ABCA1: variants seen among roughly 807,000 people sequenced by gnomAD.
The protein encoded by ABCA1 is ATP binding cassette subfamily A member 1.
Under a neutral mutation model 262.5 loss-of-function variants are expected in ABCA1, and 133 were observed. The ratio of observed to expected loss-of-function variants is 0.51; its 90% confidence interval spans 0.44 to 0.59. The LOEUF is 0.59. ABCA1 is among the 20% of genes least tolerant of loss of function. The pLI is 0.00. For missense variants in ABCA1, 2,452 were observed against 2,777.5 expected (o/e 0.88, Z 2.63); for synonymous variants, 1,022 against 1,043.5 (o/e 0.98, Z 0.40).
intron 5 of ABCA1, among the ~76,000 whole-genome samples, chr9:104,871,346 C>G (rs546433363): frequency 5.3e-5 from 8 of 152,240 alleles, no homozygotes; most frequent in Non-Finnish European, 8.8e-5. Flanking sequence ...GCAGCAGAAA[C>G]AGAATAAGAC....
At chr9:104,791,109 C>T in intron 43 of ABCA1, 81 bp from the exon 44 acceptor site, 1 of 910,040 alleles carries the variant, frequency 1.1e-6, no homozygotes. Flanking sequence ...TACCTCAAAC[C>T]TTCAATTCTT....
chr9:104,888,653 GGTT>G (rs1431279746), intron 3 of ABCA1, among the ~76,000 whole-genome samples: 4 of 152,054 alleles, frequency 2.6e-5, no homozygotes, highest in African/African-American at 9.7e-5. Flanking sequence ...TTCTATTCAA[GGTT>G]GTTATGAGAA....
chr9:104,801,065 C>G (rs1205636612), intron 34 of ABCA1, among the ~76,000 whole-genome samples: 1 of 143,208 alleles, frequency 7.0e-6, no homozygotes, highest in Non-Finnish European at 1.5e-5. Context: ...ACCTGAGACA[C>G]AGAGAAATGA....
chr9:104,874,428 G>T (rs909100234), intron 5 of ABCA1, among the ~76,000 whole-genome samples: 5 of 152,144 alleles, frequency 3.3e-5, no homozygotes, highest in African/African-American at 1.2e-4. Flanking sequence ...AGCCAGGCCT[G>T]GTGGTAAGTG....
At chr9:104,900,638 C>T (rs1355089932) in intron 2 of ABCA1, among the ~76,000 whole-genome samples, 1 of 152,164 alleles carries the variant, frequency 6.6e-6, no homozygotes, top group Non-Finnish European at 1.5e-5. Flanking sequence ...TTAGTATACA[C>T]AGAGAGCAAA....
chr9:104,902,410 T>C (rs139820217), intron 2 of ABCA1, among the ~76,000 whole-genome samples: 8 of 152,300 alleles, frequency 5.3e-5, no homozygotes, highest in East Asian at 1.9e-4. Flanking sequence ...CACATGATAA[T>C]ATAGACTGGC....
chr9:104,826,676 T>G (rs536740125), intron 16 of ABCA1, among the ~76,000 whole-genome samples: 1 of 152,310 alleles, frequency 6.6e-6, no homozygotes, highest in Non-Finnish European at 1.5e-5. Context: ...TCAATGCCAT[T>G]TATCCCCAGC....
intron 2 of ABCA1, among the ~76,000 whole-genome samples, chr9:104,891,966 T>TAAAA (rs570923490): frequency 3.4e-5 from 2 of 59,228 alleles, no homozygotes; most frequent in Admixed American, 2.4e-4. Flanking sequence ...CTCTGTCTCT[T>TAAAA]AAAAAAAAAA....
chr9:104,786,466 C>G (rs1252393380), intron 47 of ABCA1, 76 bp from the exon 48 acceptor site: 13 of 1,267,622 alleles, frequency 1.0e-5, no homozygotes, highest in Admixed American at 1.7e-5. Flanking sequence ...TGACTTCCAG[C>G]ATTCCAGCTT....
chr9:104,882,358 G>A (rs1473788477), intron 5 of ABCA1, among the ~76,000 whole-genome samples: 2 of 152,178 alleles, frequency 1.3e-5, no homozygotes, highest in African/African-American at 4.8e-5. Flanking sequence ...GCCATTACTG[G>A]CTGCACTCAG....
At chr9:104,793,401 C>A (rs1829602517) in intron 40 of ABCA1, 101 bp from the exon 41 acceptor site, 1 of 1,473,420 alleles carries the variant, frequency 6.8e-7, no homozygotes, top group Non-Finnish European at 9.4e-7. Context: ...ACCGATCTTC[C>A]AATAAACACA....
At chr9:104,862,674 CG>C (rs1554729545) in intron 5 of ABCA1, among the ~76,000 whole-genome samples, 206 of 9,154 alleles carry the variant, frequency 0.023, 26 homozygotes, top group Non-Finnish European at 0.034. Context: ...CGGGCCGGGC[CG>C]GGCCGGGCCG....
At chr9:104,832,831 C>G (rs998297569) in intron 11 of ABCA1, 60 bp from the exon 12 acceptor site, 42 of 1,489,102 alleles carry the variant, frequency 2.8e-5, no homozygotes, top group Non-Finnish European at 3.7e-5. Context: ...AGGAGCACTA[C>G]AAAATTTACA....
rs1564254351 is a variant in ABCA1 at position 104,889,102 on chromosome 9, A to C, written c.160T>G (p.Cys54Gly). 1.2e-6 allele frequency: 2 copies of C among 1,613,510 alleles called. No individual in the cohort carries two copies. Among genetic ancestry groups the C allele is most frequent in the Non-Finnish European group, 1.7e-6 (2 of 1,179,440 alleles). Residue 54 changes from cysteine to glycine, a missense_variant and splice_region_variant, in exon 3 of 50, where the codon TGC (cysteine) becomes GGC (glycine). By Grantham distance (159) the Cys-to-Gly change is radical (BLOSUM62 -3). This residue lies in a region of ABCA1 where 1,032 missense variants were observed against 1,089.7 expected (regional missense o/e 0.95). Transcript: ENST00000374736. ...LSYPPYEQHE[C>G]HFPNKAMPSA... ...TCAGGCAACATCCACAGTTACTTAC[A>C]TTCATGTTGTTCATAGGGTGGGTAG...
chr9:104,851,325 C>G (rs539228786), intron 7 of ABCA1, among the ~76,000 whole-genome samples: 2 of 152,192 alleles, frequency 1.3e-5, no homozygotes, highest in Non-Finnish European at 2.9e-5. Flanking sequence ...GGCCCTATAT[C>G]CTCACATGGC....
At chr9:104,855,870 A>G in intron 7 of ABCA1, 2 of 1,612,674 alleles carry the variant, frequency 1.2e-6, no homozygotes, top group Non-Finnish European at 1.7e-6. Flanking sequence ...AACTCACAAT[A>G]CCCTTGGCTG....
At chr9:104,901,565 G>C (rs1175379483) in intron 2 of ABCA1, among the ~76,000 whole-genome samples, 2 of 152,202 alleles carry the variant, frequency 1.3e-5, no homozygotes, top group African/African-American at 4.8e-5. Flanking sequence ...AAAGGAATAA[G>C]AGTAAGGACG....
intron 43 of ABCA1, 100 bp from the exon 44 acceptor site, chr9:104,791,128 G>C (rs1444208021): frequency 1.3e-6 from 1 of 792,964 alleles, no homozygotes; most frequent in East Asian, 2.5e-5. Context: ...TTAAATATCA[G>C]AGAAGAATCA....
rs56710442 is a variant in ABCA1, at chr9:104,896,711, C to CTTTTTT, written c.66+6897_66+6902dup. Reference sequence around the variant, plus strand: ...AACTCCAAAATTGCTCCCTACACATCTTTTTTTTTTTTTTTTTTTTTTTTT... The same window carrying CTTTTTT: ...AACTCCAAAATTGCTCCCTACACATCTTTTTTTTTTTTTTTTTTTTTTTTTTTTTTT... On this transcript the variant is annotated intron_variant, in intron 2 of 49. Coordinates refer to ENST00000374736, the MANE Select transcript of ABCA1 (RefSeq NM_005502.4). Among the ~76,000 whole-genome samples the CTTTTTT allele has an allele frequency of 1.2e-3, 44 of 37,010 alleles. 9 individuals are homozygous for CTTTTTT. The highest frequency in any genetic ancestry group is 3.0e-3 in the African/African-American group (28 of 9,462). The allele number at this position is 37,010 out of a possible 152,430, so 24.3% of individuals were successfully genotyped here. A position where few individuals can be genotyped will look rare whatever the true frequency, so the allele number is the denominator to read the frequency against.
Sources: allele counts gnomAD v4.1 joint callset (sites outside exome capture counted in the v4.1 genomes callset), GRCh38; gene constraint gnomAD v4.1.1; regional missense constraint gnomAD v4.1.1; transcripts MANE v1.5; gene names NCBI Gene and HGNC (gene_info 2026-07-23, HGNC 2026-07-21).